CFAP20DC: variants seen among roughly 807,000 people sequenced by gnomAD.
CFAP20DC encodes CFAP20 domain containing, also known as protein CFAP20DC.
Under a neutral mutation model 101.7 loss-of-function variants are expected in CFAP20DC, and 84 were observed. That is an observed-to-expected ratio of 0.83 (90% CI 0.69 to 0.99). The LOEUF is 0.99. CFAP20DC is among the 50% of genes least tolerant of loss of function. The pLI is 0.00. For synonymous variants in CFAP20DC, 359 were observed against 351.2 expected, an observed-to-expected ratio of 1.02 and a Z score of -0.25; for missense variants, 1,007 against 970.3, an observed-to-expected ratio of 1.04 and a Z score of -0.50.
At chr3:58,931,721 T>C (rs1002860035) in intron 5 of CFAP20DC, among the ~76,000 whole-genome samples, 4 of 152,118 alleles carry the variant, frequency 2.6e-5, no homozygotes, top group Non-Finnish European at 4.4e-5. Context: ...CTCCTGTCTG[T>C]TAGAAGGAAA....
chr3:59,000,044 C>A (rs1019779268), intron 4 of CFAP20DC, among the ~76,000 whole-genome samples: 2 of 152,100 alleles, frequency 1.3e-5, no homozygotes, highest in African/African-American at 2.4e-5. Context: ...GCCTGTCCAA[C>A]CTTGAACTGG....
chr3:58,946,486 C>G (rs1174946593), intron 4 of CFAP20DC, among the ~76,000 whole-genome samples: 1 of 152,094 alleles, frequency 6.6e-6, no homozygotes, highest in Non-Finnish European at 1.5e-5. Flanking sequence ...CCCCTAAGTT[C>G]CAATTTCTTT....
chr3:58,881,351 C>A (rs2081216528), intron 7 of CFAP20DC, among the ~76,000 whole-genome samples: 1 of 152,106 alleles, frequency 6.6e-6, no homozygotes, highest in Non-Finnish European at 1.5e-5. Flanking sequence ...GAATGCTCAA[C>A]TTCAATAACC....
At chr3:58,737,747 G>A (rs2067791056), downstream of CFAP20DC, among the ~76,000 whole-genome samples, 1 of 152,200 alleles carries the variant, frequency 6.6e-6, no homozygotes, top group Non-Finnish European at 1.5e-5. The surrounding 1 kb of genome is among the most constrained non-coding windows in gnomAD (Gnocchi z 4.1). Context: ...TCCTTGAGGT[G>A]TAAAGGCTGA....
chr3:58,788,821 G>T lies in CFAP20DC; in HGVS notation c.2237+17574C>A, dbSNP rs564332552. On this transcript the variant is annotated intron_variant, in intron 15 of 16. Transcript: ENST00000482387. The surrounding 1 kb of genome is among the most constrained non-coding windows in gnomAD (Gnocchi z 4.2). ...AGAGAACTGACCCTACTGGGTTGTAGCAGGGATTAAATAAACTAGTCATCC... is the reference window on the plus strand; with the variant it reads ...AGAGAACTGACCCTACTGGGTTGTATCAGGGATTAAATAAACTAGTCATCC... Among the ~76,000 whole-genome samples, 1 of 152,214 alleles carries T rather than the reference G, an allele frequency of 6.6e-6. No homozygotes were observed. The highest frequency in any genetic ancestry group is 2.1e-4 in the South Asian group (1 of 4,820).
rs186083564 is a variant in CFAP20DC at position 58,914,439 on chromosome 3, C to T, written c.394-575G>A. Among the ~76,000 whole-genome samples, 6 of 151,782 alleles carry T rather than the reference C, an allele frequency of 4.0e-5. No individual in the cohort carries two copies. The highest frequency in any genetic ancestry group is 1.9e-4 in the East Asian group (1 of 5,162). On this transcript the variant is annotated intron_variant, in intron 5 of 16. Coordinates refer to ENST00000482387, the MANE Select transcript of CFAP20DC (RefSeq NM_001394063.1). The surrounding 1 kb of genome is among the most constrained non-coding windows in gnomAD (Gnocchi z 4.9). ...GTACTCTTGCAGGGACTAATTTCTG[C>T]GCATTAAATAATTAGGCCCCTCAAT...
intron 14 of CFAP20DC, among the ~76,000 whole-genome samples, chr3:58,807,504 G>C (rs976168269): frequency 2.0e-5 from 3 of 152,206 alleles, no homozygotes; most frequent in Admixed American, 6.5e-5. Flanking sequence ...GCAGCTGAGG[G>C]TCCTGTCTGT....
At chr3:58,815,045 G>A (rs1229754293) in intron 14 of CFAP20DC, among the ~76,000 whole-genome samples, 7 of 151,498 alleles carry the variant, frequency 4.6e-5, no homozygotes, top group Admixed American at 1.3e-4. Context: ...AGCCCGCATC[G>A]CCAAAGCAAT....
chr3:58,937,085 A>T (rs2087790175), intron 5 of CFAP20DC, among the ~76,000 whole-genome samples: 2 of 152,206 alleles, frequency 1.3e-5, no homozygotes, highest in South Asian at 4.1e-4. Flanking sequence ...CTTGTCAGAA[A>T]AATCAGGCCC....
At chr3:58,953,962 T>G (rs1484294745) in intron 4 of CFAP20DC, 2 of 152,192 alleles carry the variant, frequency 1.3e-5, no homozygotes, top group African/African-American at 4.8e-5. Context: ...AGCAATGTGA[T>G]AGAAAAAGTA....
chr3:59,013,138 T>C (rs1287552026), intron 4 of CFAP20DC, among the ~76,000 whole-genome samples: 1 of 152,196 alleles, frequency 6.6e-6, no homozygotes, highest in African/African-American at 2.4e-5. Context: ...AGCCATAGAA[T>C]TCCACTTGCA....
chr3:58,750,408 T>C (rs1050949507), intron 16 of CFAP20DC, among the ~76,000 whole-genome samples: 16 of 152,282 alleles, frequency 1.1e-4, no homozygotes, highest in African/African-American at 3.6e-4. Context: ...GGGATAATAA[T>C]AGCATCCACA....
At chr3:59,035,072 C>A (rs182744070) in intron 4 of CFAP20DC, among the ~76,000 whole-genome samples, 3 of 152,280 alleles carry the variant, frequency 2.0e-5, no homozygotes, top group African/African-American at 4.8e-5. Flanking sequence ...GGAAACTGAA[C>A]AACCTGCTCT....
intron 4 of CFAP20DC, among the ~76,000 whole-genome samples, chr3:58,950,842 T>C (rs573389957): frequency 4.2e-4 from 64 of 152,302 alleles, no homozygotes; most frequent in Non-Finnish European, 6.9e-4. Context: ...ATTCAGGACA[T>C]AGGCATGGGC....
In CFAP20DC at chr3:58,795,698, A is replaced by G. The variant is rs991921586; in HGVS notation, c.2237+10697T>C. On this transcript the variant is annotated intron_variant, in intron 15 of 16. Coordinates refer to ENST00000482387, the MANE Select transcript of CFAP20DC (RefSeq NM_001394063.1). The surrounding 1 kb of genome is among the most constrained non-coding windows in gnomAD (Gnocchi z 4.2). ...TCTTCAGGTATCTGTCTTTTCAGACACAGAAGCCTTTGGGAGGTGAGGGGA... is the reference window on the plus strand; with the variant it reads ...TCTTCAGGTATCTGTCTTTTCAGACGCAGAAGCCTTTGGGAGGTGAGGGGA... 2.6e-5 allele frequency among the ~76,000 whole-genome samples: 4 copies of G among 152,258 alleles called. No individual in the cohort carries two copies. Among genetic ancestry groups the G allele is most frequent in the Non-Finnish European group, 4.4e-5 (3 of 68,038 alleles).
chr3:58,878,835 C>T (rs2080987389), intron 7 of CFAP20DC, among the ~76,000 whole-genome samples: 1 of 152,040 alleles, frequency 6.6e-6, no homozygotes, highest in African/African-American at 2.4e-5. Context: ...GGTGAAACTC[C>T]ATCTCTACTA....
chr3:58,968,664 C>G (rs1453388876), intron 4 of CFAP20DC, among the ~76,000 whole-genome samples: 1 of 152,058 alleles, frequency 6.6e-6, no homozygotes, highest in Non-Finnish European at 1.5e-5. Context: ...AGGTTGTCTG[C>G]TCACCCTGCT....
intron 4 of CFAP20DC, among the ~76,000 whole-genome samples, chr3:58,961,871 TCTC>T: frequency 6.6e-6 from 1 of 152,314 alleles, no homozygotes; most frequent in Admixed American, 6.5e-5. Context: ...TGAGCAGTGT[TCTC>T]CTGTTTTACT....
chr3:58,894,138 G>A lies in CFAP20DC; in HGVS notation c.551-9429C>T, dbSNP rs529875910. On this transcript the variant is annotated intron_variant, in intron 6 of 16. Transcript: ENST00000482387. The surrounding 1 kb of genome is among the most constrained non-coding windows in gnomAD (Gnocchi z 4.1). ...GGAATTCAAGATGAGACTTGGGTGAGGACACAGCCAAACCATATCATTCTC... is the reference window on the plus strand; with the variant it reads ...GGAATTCAAGATGAGACTTGGGTGAAGACACAGCCAAACCATATCATTCTC... Among the ~76,000 whole-genome samples, 2 of 152,198 alleles carry A rather than the reference G, an allele frequency of 1.3e-5. No homozygotes were observed. Among genetic ancestry groups the A allele is most frequent in the South Asian group, 4.2e-4 (2 of 4,816 alleles).
Sources: gnomAD v4.1 joint callset for allele counts (sites outside exome capture counted in the v4.1 genomes callset) on GRCh38, gnomAD v4.1.1 for gene constraint, Gnocchi (gnomAD v3.1) non-coding constraint, MANE v1.5 for transcripts, NCBI Gene and HGNC (gene_info 2026-07-23, HGNC 2026-07-21) for gene names.